The following REC114 variants were observed in gnomAD, a reference collection of about 807,000 sequenced individuals.
REC114 encodes the protein REC114 meiotic recombination protein, also known as meiotic recombination protein REC114.
REC114 carries 27 observed loss-of-function variants against 31.3 expected under a neutral mutation model. That is an observed-to-expected ratio of 0.86 (90% CI 0.64 to 1.19). REC114 has a LOEUF of 1.19. Among genes scored for constraint, REC114 ranks in the 50% most tolerant of loss-of-function variants. REC114 has a pLI of 0.00. For synonymous variants in REC114, 134 were observed against 127.7 expected, an observed-to-expected ratio of 1.05 and a Z score of -0.33; for missense variants, 344 against 326.9, an observed-to-expected ratio of 1.05 and a Z score of -0.40.
chr15:73,534,397 A>G (rs1031047232), intron 2 of REC114, among the ~76,000 whole-genome samples: 3 of 152,242 alleles, frequency 2.0e-5, no homozygotes, highest in African/African-American at 4.8e-5. Context: ...GAATACTACA[A>G]TCACCTCTAC....
At chr15:73,451,709 A>T (rs761182118) in intron 1 of REC114, among the ~76,000 whole-genome samples, 1 of 152,228 alleles carries the variant, frequency 6.6e-6, no homozygotes, top group Non-Finnish European at 1.5e-5. Context: ...AATATCCCTG[A>T]TGAACATTGA....
At chr15:73,530,803 A>G (rs1894069395) in intron 2 of REC114, among the ~76,000 whole-genome samples, 1 of 151,118 alleles carries the variant, frequency 6.6e-6, no homozygotes, top group South Asian at 2.1e-4. Flanking sequence ...GCTCCAGGAT[A>G]GTGAGTCAGA....
At chr15:73,486,594 T>C (rs755335393) in intron 2 of REC114, among the ~76,000 whole-genome samples, 8 of 152,188 alleles carry the variant, frequency 5.3e-5, no homozygotes, top group Non-Finnish European at 1.0e-4. Flanking sequence ...GCAATGCAAA[T>C]TTATATCTTA....
intron 2 of REC114, among the ~76,000 whole-genome samples, chr15:73,508,197 A>G (rs955926488): frequency 6.6e-6 from 1 of 152,194 alleles, no homozygotes; most frequent in East Asian, 1.9e-4. Flanking sequence ...TTGAATGAAT[A>G]AATGAATAGA....
chr15:73,492,493 C>T (rs1225539755), intron 2 of REC114, among the ~76,000 whole-genome samples: 1 of 152,198 alleles, frequency 6.6e-6, no homozygotes, highest in Non-Finnish European at 1.5e-5. Context: ...TTTTGTTGGG[C>T]ATACAACTAG....
intron 4 of REC114, among the ~76,000 whole-genome samples, chr15:73,553,397 T>C (rs1051413269): frequency 2.0e-5 from 3 of 152,136 alleles, no homozygotes; most frequent in African/African-American, 7.2e-5. Context: ...TCCCTACAAA[T>C]GGGTTGGTTG....
chr15:73,553,097 G>A (rs778989258), intron 4 of REC114, among the ~76,000 whole-genome samples: 24 of 152,170 alleles, frequency 1.6e-4, no homozygotes, highest in African/African-American at 9.7e-5. Flanking sequence ...TTACAAGCAT[G>A]AGCCACCGCA....
intron 2 of REC114, among the ~76,000 whole-genome samples, chr15:73,478,263 CAA>C (rs57210193): frequency 0.05 from 2,014 of 40,030 alleles, 5 homozygotes; most frequent in African/African-American, 0.072. Context: ...GACTCTGTCT[CAA>C]AAAAAAAAAA....
chr15:73,496,575 T>G (rs560693885), intron 2 of REC114, among the ~76,000 whole-genome samples: 3 of 141,366 alleles, frequency 2.1e-5, no homozygotes, highest in African/African-American at 8.0e-5. Flanking sequence ...ATTGTTTGAA[T>G]CCGGGAGGTG....
At chr15:73,474,424 GAATC>G (rs555543471) in intron 2 of REC114, among the ~76,000 whole-genome samples, 161 of 152,186 alleles carry the variant, frequency 1.1e-3, no homozygotes, top group Non-Finnish European at 1.7e-3. Context: ...AAGAAAATAA[GAATC>G]AACTTGGTTG....
At chr15:73,507,794 T>A (rs988920114) in intron 2 of REC114, among the ~76,000 whole-genome samples, 2 of 152,128 alleles carry the variant, frequency 1.3e-5, no homozygotes, top group Admixed American at 1.3e-4. Context: ...CAGCAACTTA[T>A]AAATAAGTAA....
At chr15:73,534,507 G>C (rs1481699963) in intron 2 of REC114, among the ~76,000 whole-genome samples, 1 of 152,088 alleles carries the variant, frequency 6.6e-6, no homozygotes, top group Non-Finnish European at 1.5e-5. Context: ...GAATAGACCA[G>C]TAACAGGAGC....
intron 1 of REC114, among the ~76,000 whole-genome samples, chr15:73,466,026 A>G (rs1331587430): frequency 1.3e-5 from 2 of 150,584 alleles, no homozygotes; most frequent in Non-Finnish European, 2.9e-5. Flanking sequence ...TAATTTTTTC[A>G]TTTTTTTAGT....
chr15:73,501,580 A>T (rs1396927602), intron 2 of REC114, among the ~76,000 whole-genome samples: 1 of 152,110 alleles, frequency 6.6e-6, no homozygotes, highest in Non-Finnish European at 1.5e-5. Context: ...AAGTAGCTGG[A>T]ATAACAGGTA....
At chr15:73,554,814 T>C (rs912146281) in intron 4 of REC114, among the ~76,000 whole-genome samples, 1 of 152,194 alleles carries the variant, frequency 6.6e-6, no homozygotes, top group African/African-American at 2.4e-5. Flanking sequence ...TATTTTTTAG[T>C]GTTTATGGCA....
At chr15:73,450,026 T>C (rs1308916191) in intron 1 of REC114, among the ~76,000 whole-genome samples, 1 of 152,130 alleles carries the variant, frequency 6.6e-6, no homozygotes, top group Non-Finnish European at 1.5e-5. Flanking sequence ...TACCAGCCAC[T>C]GCAAAAACAT....
intron 2 of REC114, among the ~76,000 whole-genome samples, chr15:73,493,975 C>T (rs1295261435): frequency 2.0e-5 from 3 of 152,134 alleles, no homozygotes; most frequent in Non-Finnish European, 1.5e-5. Flanking sequence ...TATGGCTCCC[C>T]TATTCAGTAG....
chr15:73,461,141 TG>T (rs1454593939), intron 1 of REC114, among the ~76,000 whole-genome samples: 4 of 152,148 alleles, frequency 2.6e-5, no homozygotes, highest in East Asian at 3.9e-4. Flanking sequence ...TTATTGCTAT[TG>T]TTTTTTTTTT....
chr15:73,452,052 C>T (rs930313194), intron 1 of REC114, among the ~76,000 whole-genome samples: 6 of 152,160 alleles, frequency 3.9e-5, no homozygotes, highest in South Asian at 2.1e-4. Context: ...AAACTGGAAG[C>T]GTTCCCTTTG....
Sources: allele counts gnomAD v4.1 joint callset (sites outside exome capture counted in the v4.1 genomes callset), GRCh38; gene constraint gnomAD v4.1.1; transcripts MANE v1.5; gene names NCBI Gene and HGNC (gene_info 2026-07-23, HGNC 2026-07-21).